Variants in TMEM232 observed in about 807,000 individuals in gnomAD.
TMEM232 encodes the protein transmembrane protein 232.
A neutral mutation model predicts 78.8 loss-of-function variants in TMEM232; 80 were observed. The observed-to-expected ratio is 1.01, with a 90% CI of 0.85 to 1.22. TMEM232 has a LOEUF of 1.22. Among genes scored for constraint, TMEM232 ranks in the 50% most tolerant of loss-of-function variants. The probability of loss-of-function intolerance (pLI) is 0.00; values close to 1 mark genes in which losing one functional copy is unlikely to be tolerated. For missense variants in TMEM232, 881 were observed against 742.2 expected (o/e 1.19, Z -2.17); for synonymous variants, 297 against 254.3 (o/e 1.17, Z -1.60).
At chr5:110,700,172 G>A (rs1213422626) in intron 1 of TMEM232, among the ~76,000 whole-genome samples, 2 of 151,994 alleles carry the variant, frequency 1.3e-5, no homozygotes, top group African/African-American at 4.8e-5. Flanking sequence ...ATTGCTTGCT[G>A]GTCAGTCTAA....
intron 12 of TMEM232, among the ~76,000 whole-genome samples, chr5:110,518,435 C>T (rs181335698): frequency 9.4e-4 from 143 of 152,214 alleles, no homozygotes; most frequent in Non-Finnish European, 1.7e-3. Context: ...CATTCCAATA[C>T]CCAGGCCACT....
upstream of TMEM232, among the ~76,000 whole-genome samples, chr5:110,738,496 CT>C (rs2150401471): frequency 6.6e-6 from 1 of 152,264 alleles, no homozygotes; most frequent in East Asian, 1.9e-4. Context: ...AATGCTTGCT[CT>C]GGTGGTCCAC....
intron 10 of TMEM232, among the ~76,000 whole-genome samples, chr5:110,602,326 C>T (rs1005575963): frequency 2.0e-5 from 3 of 151,918 alleles, no homozygotes; most frequent in East Asian, 3.9e-4. Context: ...AGCTTCTGCA[C>T]GGCAAAAGAA....
chr5:110,692,968 G>A (rs969103451), intron 1 of TMEM232, among the ~76,000 whole-genome samples: 1 of 152,184 alleles, frequency 6.6e-6, no homozygotes, highest in Non-Finnish European at 1.5e-5. Flanking sequence ...AGTTCTCCCA[G>A]CACGCAGTTC....
In TMEM232 at chr5:110,707,967, C is replaced by T. The variant is rs73785344; in HGVS notation, c.-13+18660G>A. On this transcript the variant is annotated intron_variant, in intron 1 of 13. Transcript: ENST00000455884. ...AACTCAGTCCTGGGAAGATTCATCA[C>T]CTGCTAACTAAAGAGCCCTTGGGTT... Among the ~76,000 whole-genome samples the T allele has an allele frequency of 7.8e-3, 1,187 of 152,238 alleles. 17 individuals carry two copies. Among genetic ancestry groups the T allele is most frequent in the African/African-American group, 0.027 (1,142 of 41,548 alleles).
chr5:110,603,319 T>A (rs1361248239), intron 10 of TMEM232, among the ~76,000 whole-genome samples: 3 of 152,020 alleles, frequency 2.0e-5, no homozygotes, highest in African/African-American at 7.3e-5. Context: ...TTTAAAAATA[T>A]CAGACTGTTG....
chr5:110,550,829 T>A (rs1774363837), intron 11 of TMEM232, among the ~76,000 whole-genome samples: 2 of 148,692 alleles, frequency 1.3e-5, no homozygotes, highest in Admixed American at 6.7e-5. Context: ...TTTTAAAAAA[T>A]GGAACTTGAC....
chr5:110,562,126 A>C (rs1775822483), intron 11 of TMEM232, among the ~76,000 whole-genome samples: 1 of 152,242 alleles, frequency 6.6e-6, no homozygotes, highest in Non-Finnish European at 1.5e-5. Context: ...CGTACACTTA[A>C]GTTTTACCCA....
At chr5:110,441,898 G>A (rs954251428) in intron 12 of TMEM232, among the ~76,000 whole-genome samples, 14 of 151,796 alleles carry the variant, frequency 9.2e-5, no homozygotes, top group African/African-American at 3.4e-4. Context: ...AGAGTAAAAG[G>A]TTATTATTAG....
intron 7 of TMEM232, among the ~76,000 whole-genome samples, chr5:110,620,858 CTTTTTTTTTTTTT>C (rs558332663): frequency 1.1e-5 from 1 of 87,450 alleles, no homozygotes; most frequent in Non-Finnish European, 2.1e-5. Context: ...ATTTCAAGCG[CTTTTTTTTTTTTT>C]TTTTTTTTTG....
chr5:110,689,075 T>G (rs1420299521), intron 1 of TMEM232, among the ~76,000 whole-genome samples: 2 of 152,136 alleles, frequency 1.3e-5, no homozygotes, highest in Admixed American at 1.3e-4. Flanking sequence ...CCTTTTAAAT[T>G]TGGACCCCTC....
intron 5 of TMEM232, among the ~76,000 whole-genome samples, chr5:110,633,722 G>A (rs1448881154): frequency 6.6e-6 from 1 of 152,142 alleles, no homozygotes; most frequent in Non-Finnish European, 1.5e-5. Context: ...GCAGAACTGT[G>A]AGTCAATTAA....
At chr5:110,616,508 C>A (rs969326655) in intron 8 of TMEM232, among the ~76,000 whole-genome samples, 5 of 151,932 alleles carry the variant, frequency 3.3e-5, no homozygotes, top group African/African-American at 9.7e-5. Context: ...GCAAACCATA[C>A]ATTTTTAACC....
At chr5:110,500,946 C>G (rs937143329) in intron 12 of TMEM232, among the ~76,000 whole-genome samples, 1 of 152,172 alleles carries the variant, frequency 6.6e-6, no homozygotes, top group East Asian at 1.9e-4. Flanking sequence ...GACCACCTTT[C>G]TATACCTTTA....
At chr5:110,641,934 GA>G (rs1786781010) in intron 3 of TMEM232, among the ~76,000 whole-genome samples, 1 of 152,044 alleles carries the variant, frequency 6.6e-6, no homozygotes, top group South Asian at 2.1e-4. Context: ...TAAAGGTTTA[GA>G]AAGGCCTTTT....
chr5:110,445,801 A>G (rs1286115657), intron 12 of TMEM232, among the ~76,000 whole-genome samples: 1 of 152,100 alleles, frequency 6.6e-6, no homozygotes, highest in Non-Finnish European at 1.5e-5. Flanking sequence ...TTTTTTTGCC[A>G]TTTGAGCTTC....
At chr5:110,606,136 C>G in intron 9 of TMEM232, 28 bp downstream of exon 9, 3 of 1,524,922 alleles carry the variant, frequency 2.0e-6, no homozygotes, top group Non-Finnish European at 2.7e-6. Context: ...CTTCGGTTCT[C>G]TTTTCACATA....
At chr5:110,472,707 T>A (rs760448728) in intron 12 of TMEM232, among the ~76,000 whole-genome samples, 7 of 151,982 alleles carry the variant, frequency 4.6e-5, no homozygotes, top group Non-Finnish European at 1.0e-4. Flanking sequence ...AAAAGCATGG[T>A]GTTGACATAA....
At chr5:110,413,963 C>T (rs1027630174) in intron 2 of TMEM232, among the ~76,000 whole-genome samples, 2 of 152,158 alleles carry the variant, frequency 1.3e-5, no homozygotes, top group Non-Finnish European at 2.9e-5. Context: ...CCATATGACC[C>T]ACCACAACAC....
Sources: allele counts gnomAD v4.1 joint callset (sites outside exome capture counted in the v4.1 genomes callset), GRCh38; gene constraint gnomAD v4.1.1; transcripts MANE v1.5; gene names NCBI Gene and HGNC (gene_info 2026-07-23, HGNC 2026-07-21).